Variants in CCKBR observed in about 807,000 individuals in gnomAD.
The protein encoded by CCKBR is gastrin/cholecystokinin type B receptor.
Under a neutral mutation model 34.6 loss-of-function variants are expected in CCKBR, and 33 were observed. The ratio of observed to expected loss-of-function variants is 0.95; its 90% CI spans 0.72 to 1.27. CCKBR has a LOEUF of 1.27. CCKBR is among the 50% of genes most tolerant of loss of function. The pLI, the probability that CCKBR is intolerant of heterozygous loss-of-function variation, is 0.00. For missense variants in CCKBR, 652 were observed against 617.4 expected (o/e 1.06, Z -0.59); for synonymous variants, 269 against 267.5 (o/e 1.01, Z -0.06).
rs1447691939 is a variant in CCKBR at position 6,261,454 on chromosome 11, A to AAAAAAAATATAT, written c.151+1376_151+1377insAAAAAATATATA. Reference sequence around the variant, plus strand: ...GTTGGCAAAAAAAAAAAAAAAAAAAAATATATATACACACACACACACACA... The same window carrying AAAAAAAATATAT: ...GTTGGCAAAAAAAAAAAAAAAAAAAAAAAAAAATATATATATATATACACACACACACACACA... On this transcript the variant is annotated intron_variant, in intron 1 of 4. Transcript: ENST00000334619. Among the ~76,000 whole-genome samples the AAAAAAAATATAT allele has an allele frequency of 6.6e-5, 4 of 60,886 alleles. 1 individual carries two copies. In the South Asian group the frequency reaches 2.1e-3, roughly 32 times the overall value. The allele number at this position is 60,886 out of a possible 152,430, so 39.9% of individuals were successfully genotyped here.
intron 1 of CCKBR, among the ~76,000 whole-genome samples, chr11:6,265,447 T>C (rs1436368774): frequency 6.6e-6 from 1 of 152,234 alleles, no homozygotes; most frequent in Non-Finnish European, 1.5e-5. Flanking sequence ...TTCACAGTAC[T>C]GTACCAATTT....
In CCKBR at chr11:6,270,095, T is replaced by G. The variant is rs373845764; in HGVS notation, c.411T>G (p.Ser137=). Reference sequence around the variant, plus strand: ...TTCTCTTCCCTTGTTTAGGGGTGTCTGTGAGTGTGTCCACGCTAAGCCTCG... The same window carrying G: ...TTCTCTTCCCTTGTTTAGGGGTGTCGGTGAGTGTGTCCACGCTAAGCCTCG... ...CKAVSYLMGV[S]VSVSTLSLVA... The change falls in exon 3 of 5, where the codon TCT becomes TCG. Residue 137 remains serine (S), a synonymous_variant. Coordinates refer to ENST00000334619, the MANE Select transcript of CCKBR (RefSeq NM_176875.4). The G allele has an allele frequency of 6.2e-7, 1 of 1,605,414 alleles. No homozygotes were observed. Among genetic ancestry groups the G allele is most frequent in the Non-Finnish European group, 8.5e-7 (1 of 1,173,754 alleles).
At chr11:6,260,175 A>C in intron 1 of CCKBR, 96 bp downstream of exon 1, 2 of 831,950 alleles carry the variant, frequency 2.4e-6, no homozygotes, top group Non-Finnish European at 3.6e-6. Context: ...TACCTTCTCA[A>C]ACGTCCACAC....
At chr11:6,261,454 A>AAAAATATATATAT (rs1447691939) in intron 1 of CCKBR, among the ~76,000 whole-genome samples, 24 of 60,886 alleles carry the variant, frequency 3.9e-4, no homozygotes, top group Non-Finnish European at 6.4e-4. Flanking sequence ...AAAAAAAAAA[A>AAAAATATATATAT]ATATATATAC....
At chr11:6,265,064 C>T (rs1479824773) in intron 1 of CCKBR, among the ~76,000 whole-genome samples, 1 of 152,172 alleles carries the variant, frequency 6.6e-6, no homozygotes, top group Non-Finnish European at 1.5e-5. Context: ...AATAGTTTCA[C>T]TGCCCTAAAA....
chr11:6,268,124 A>T (rs1320248002), intron 1 of CCKBR, among the ~76,000 whole-genome samples: 3 of 152,210 alleles, frequency 2.0e-5, no homozygotes, highest in African/African-American at 7.2e-5. Context: ...GATTACAAAG[A>T]TAAGCCACTG....
chr11:6,270,683 G>A lies in CCKBR; in HGVS notation c.691G>A (p.Gly231Ser). 2.5e-6 allele frequency: 4 copies of A among 1,612,524 alleles called. No homozygotes were observed. The highest frequency in any genetic ancestry group is 3.4e-6 in the Non-Finnish European group (4 of 1,178,652). Reference sequence around the variant, plus strand: ...GCTTCTGCTCTTGTTCTTCATCCCGGGTGTGGTTATGGCCGTGGCCTACGG... The same window carrying A: ...GCTTCTGCTCTTGTTCTTCATCCCGAGTGTGGTTATGGCCGTGGCCTACGG... ...LLLLLLFFIP[G>S]VVMAVAYGLI... The change falls in exon 4 of 5, where the codon GGT (glycine) becomes AGT (serine). Residue 231 changes from glycine to serine, a missense_variant. Transcript: ENST00000334619.
intron 1 of CCKBR, 62 bp downstream of exon 1, chr11:6,260,141 G>A: frequency 1.6e-6 from 2 of 1,266,710 alleles, no homozygotes; most frequent in Admixed American, 2.6e-5. Context: ...AACACTAATA[G>A]AGTCCCCCCA....
intron 1 of CCKBR, among the ~76,000 whole-genome samples, chr11:6,263,433 C>A (rs1050550820): frequency 3.3e-5 from 5 of 151,754 alleles, no homozygotes; most frequent in African/African-American, 1.2e-4. Context: ...TACATTCACT[C>A]AGGTGCTCAG....
At position 6,270,801 on chromosome 11, in the gene CCKBR, C is replaced by T. The variant is rs201064391; in HGVS notation, c.809C>T (p.Pro270Leu). ...QSRVRNQGGL[P>L]GAVHQNGRCR... ...AGGGTCCGAAACCAAGGCGGGCTGC[C>T]AGGTGGGGCTGGACCACGTGAGCAA... The change falls in exon 4 of 5, where the codon CCA (proline) becomes CTA (leucine). Residue 270 changes from proline to leucine, a missense_variant and splice_region_variant. Transcript: ENST00000334619. 1.9e-5 allele frequency: 31 copies of T among 1,613,982 alleles called. No individual in the cohort carries two copies. The highest frequency in any genetic ancestry group is 5.0e-5 in the Admixed American group (3 of 60,008).
intron 1 of CCKBR, chr11:6,264,741 A>ACACACACACGCACC: frequency 2.0e-6 from 1 of 489,108 alleles, no homozygotes; most frequent in Non-Finnish European, 3.6e-6. Context: ...ACACACACAC[A>ACACACACACGCACC]CACGCATACA....
rs141279039 is a variant in CCKBR, at chr11:6,271,357, C to A, written c.1158C>A (p.Asn386Lys). ...TGAGCTACGCCTCGGCCTGTGTCAA[C>A]CCCCTGGTCTACTGCTTCATGCACC... ...HLLSYASACV[N>K]PLVYCFMHRR... Residue 386 changes from asparagine (N) to lysine (K), a missense_variant, in exon 5 of 5, where the codon AAC (asparagine) becomes AAA (lysine). Coordinates refer to ENST00000334619, the MANE Select transcript of CCKBR (RefSeq NM_176875.4). The A allele has an allele frequency of 6.2e-7, 1 of 1,614,170 alleles. No individual in the cohort carries two copies. Among genetic ancestry groups the A allele is most frequent in the Non-Finnish European group, 8.5e-7 (1 of 1,180,018 alleles).
rs1375842514 is a variant in CCKBR, at chr11:6,259,918, C to T, written c.-11C>T. The stretch of plus-strand genomic sequence containing the variant: ...GTCGAGCTGAGTAAGGCGGCGGGCT[C>T]GGCGGGGGCCATGGAGCTGCTAAAG... On this transcript the variant is annotated 5_prime_UTR_variant, in exon 1 of 5. Transcript: ENST00000334619. 7.0e-7 allele frequency: 1 copy of T among 1,431,388 alleles called. No individual in the cohort carries two copies. Among genetic ancestry groups the T allele is most frequent in the Non-Finnish European group, 9.1e-7 (1 of 1,094,992 alleles). 88.7% of individuals were successfully genotyped at this position (1,431,388 alleles called of 1,614,324 possible).
Position 6,271,334 on chromosome 11 carries a change from A to G in CCKBR, c.1135A>G (p.Ser379Gly). ...GAPISFIHLL[S>G]YASACVNPLV... ...TCCTATCTCCTTCATTCACTTGCTGAGCTACGCCTCGGCCTGTGTCAACCC... is the reference window on the plus strand; with the variant it reads ...TCCTATCTCCTTCATTCACTTGCTGGGCTACGCCTCGGCCTGTGTCAACCC... The change falls in exon 5 of 5, where the codon AGC (serine) becomes GGC (glycine). Residue 379 changes from serine to glycine, a missense_variant. Coordinates refer to ENST00000334619, the MANE Select transcript of CCKBR (RefSeq NM_176875.4). 6.2e-7 allele frequency: 1 copy of G among 1,613,992 alleles called. No homozygotes were observed. The highest frequency in any genetic ancestry group is 1.3e-5 in the African/African-American group (1 of 74,982).
At chr11:6,264,475 C>A (rs754018090) in intron 1 of CCKBR, 4 of 683,800 alleles carry the variant, frequency 5.8e-6, no homozygotes, top group Non-Finnish European at 1.1e-5. Flanking sequence ...ATTATCTAGA[C>A]AGAACAAATA....
rs372993300 is a variant in CCKBR at position 6,259,981 on chromosome 11, G to A, written c.53G>A (p.Gly18Glu). 21 of 1,567,708 alleles carry A rather than the reference G, an allele frequency of 1.3e-5. No homozygotes were observed. Among genetic ancestry groups the A allele is most frequent in the Non-Finnish European group, 1.6e-5 (18 of 1,160,392 alleles). The change falls in exon 1 of 5, where the codon GGG (glycine) becomes GAG (glutamate). Residue 18 changes from glycine to glutamate, a missense_variant. Coordinates refer to ENST00000334619, the MANE Select transcript of CCKBR (RefSeq NM_176875.4). ...GTGCAGGGAACCGGACCCGGGCCGG[G>A]GGCTTCCCTGTGCCGCCCGGGGGCG... ...RSVQGTGPGP[G>E]ASLCRPGAPL...
chr11:6,260,824 C>G (rs1308803245), intron 1 of CCKBR, among the ~76,000 whole-genome samples: 1 of 152,222 alleles, frequency 6.6e-6, no homozygotes, highest in East Asian at 1.9e-4. Flanking sequence ...TCTGGACCCT[C>G]ATGGCCCATA....
In CCKBR at chr11:6,259,891, G is replaced by C. The variant is rs1418063452; in HGVS notation, c.-38G>C. 2 of 1,394,046 alleles carry C rather than the reference G, an allele frequency of 1.4e-6. No individual in the cohort carries two copies. Among genetic ancestry groups the C allele is most frequent in the South Asian group, 1.6e-5 (1 of 61,438 alleles). 86.4% of individuals were successfully genotyped at this position (1,394,046 alleles called of 1,614,324 possible). ...GGTGGAGCCGCGTTGGGAGCCCGCCGGGTCGAGCTGAGTAAGGCGGCGGGC... is the reference window on the plus strand; with the variant it reads ...GGTGGAGCCGCGTTGGGAGCCCGCCCGGTCGAGCTGAGTAAGGCGGCGGGC... On this transcript the variant is annotated 5_prime_UTR_variant, in exon 1 of 5. Coordinates refer to ENST00000334619, the MANE Select transcript of CCKBR (RefSeq NM_176875.4).
In CCKBR at chr11:6,271,219, G is replaced by C. The variant is rs190601811; in HGVS notation, c.1020G>C (p.Val340=). ...RVVRMLLVIV[V]LFFLCWLPVY... is the part of the protein sequence containing the mutation. ...TGCGAATGTTGCTGGTGATCGTTGT[G>C]CTTTTTTTTCTGTGTTGGTTGCCAG... Residue 340 remains valine, a synonymous_variant, in exon 5 of 5, where the codon GTG becomes GTC. Transcript: ENST00000334619. 7 of 1,614,196 alleles carry C rather than the reference G, an allele frequency of 4.3e-6. No homozygotes were observed. In the East Asian group the frequency reaches 1.6e-4, roughly 36 times the overall value.
Sources: gnomAD v4.1 joint callset for allele counts (sites outside exome capture counted in the v4.1 genomes callset) on GRCh38, gnomAD v4.1.1 for gene constraint, MANE v1.5 for transcripts, NCBI Gene and HGNC (gene_info 2026-07-23, HGNC 2026-07-21) for gene names.